The following SLC35F1 variants were observed in gnomAD, a reference collection of about 807,000 sequenced individuals.
SLC35F1 encodes chromosome 6 open reading frame 169.
A neutral mutation model predicts 48.7 loss-of-function variants in SLC35F1; 14 were observed. The ratio of observed to expected loss-of-function variants is 0.29; its 90% CI spans 0.19 to 0.45. The LOEUF (loss-of-function observed/expected upper bound fraction) is 0.45, where lower values mean the gene tolerates loss of function less well. SLC35F1 is among the 20% of genes least tolerant of loss of function. The pLI, the probability that SLC35F1 is intolerant of heterozygous loss-of-function variation, is 1.00. For synonymous variants in SLC35F1, 190 were observed against 202.2 expected (o/e 0.94, Z 0.51); for missense variants, 404 against 500.0 (o/e 0.81, Z 1.83).
intron 7 of SLC35F1, among the ~76,000 whole-genome samples, chr6:118,301,478 G>A (rs1459595466): frequency 6.6e-6 from 1 of 152,170 alleles, no homozygotes. Flanking sequence ...ACTGTATGCA[G>A]TGTTAAGGGG....
At chr6:118,197,434 AC>A (rs890257599) in intron 2 of SLC35F1, among the ~76,000 whole-genome samples, 1 of 152,190 alleles carries the variant, frequency 6.6e-6, no homozygotes, top group African/African-American at 2.4e-5. Flanking sequence ...ATAAGGTTTT[AC>A]CTTAATATGA....
chr6:118,209,757 T>A (rs1774979565), intron 2 of SLC35F1, among the ~76,000 whole-genome samples: 1 of 152,172 alleles, frequency 6.6e-6, no homozygotes, highest in Non-Finnish European at 1.5e-5. Flanking sequence ...AGTAGAGTAC[T>A]AAAATTATCT....
At chr6:118,174,422 AG>A (rs1473406436) in intron 2 of SLC35F1, among the ~76,000 whole-genome samples, 1 of 152,140 alleles carries the variant, frequency 6.6e-6, no homozygotes, top group Non-Finnish European at 1.5e-5. Flanking sequence ...ACACAGTAAA[AG>A]AAATGAAGAA....
intron 2 of SLC35F1, among the ~76,000 whole-genome samples, chr6:118,197,550 A>C (rs1400033270): frequency 1.3e-5 from 2 of 152,222 alleles, no homozygotes; most frequent in Non-Finnish European, 2.9e-5. Context: ...GATAATATTA[A>C]CACGATAAAA....
chr6:118,045,904 T>C (rs1221395376), intron 1 of SLC35F1, among the ~76,000 whole-genome samples: 1 of 152,180 alleles, frequency 6.6e-6, no homozygotes, highest in Admixed American at 6.5e-5. Flanking sequence ...CAGATACTGC[T>C]AATCTCTGGG....
chr6:118,070,130 G>C (rs1321473655), intron 1 of SLC35F1, among the ~76,000 whole-genome samples: 1 of 100,674 alleles, frequency 9.9e-6, no homozygotes, highest in African/African-American at 3.9e-5. Context: ...GCGACAGAGC[G>C]AGACTCCGTC....
In SLC35F1 at chr6:118,006,595, G is replaced by A. The variant is rs556718798; in HGVS notation, c.173+98696G>A. Among the ~76,000 whole-genome samples the A allele has an allele frequency of 2.6e-5, 4 of 152,058 alleles. 1 individual carries two copies. The highest frequency in any genetic ancestry group is 4.2e-4 in the South Asian group (2 of 4,802). ...GACCACGCTACTGCACTCCAGTCTG[G>A]GTGATAGAGCAAGACTCTGTCTCTA... On this transcript the variant is annotated intron_variant, in intron 1 of 7. Coordinates refer to ENST00000360388, the MANE Select transcript of SLC35F1 (RefSeq NM_001029858.4).
At chr6:117,950,399 T>A (rs6568991) in intron 1 of SLC35F1, among the ~76,000 whole-genome samples, 6 of 152,180 alleles carry the variant, frequency 3.9e-5, no homozygotes, top group Admixed American at 1.3e-4. Flanking sequence ...CACAGTTCTC[T>A]GTTACTGTGT....
At chr6:118,164,105 G>A (rs549415121) in intron 2 of SLC35F1, among the ~76,000 whole-genome samples, 1 of 152,096 alleles carries the variant, frequency 6.6e-6, no homozygotes, top group South Asian at 2.1e-4. Flanking sequence ...TTGAGGACTC[G>A]AAGAAGCATC....
At chr6:117,987,303 TTTTTTCTTCCTTCTCCTCTTGTTC>T (rs1776860011) in intron 1 of SLC35F1, among the ~76,000 whole-genome samples, 2 of 152,118 alleles carry the variant, frequency 1.3e-5, no homozygotes, top group South Asian at 4.1e-4. Flanking sequence ...CCCTTCTTTT[TTTTTTCTTCCTTCTCCTCTTGTTC>T]TTTTTCTTCC....
At chr6:118,138,582 G>A (rs984449694) in intron 1 of SLC35F1, among the ~76,000 whole-genome samples, 1 of 152,120 alleles carries the variant, frequency 6.6e-6, no homozygotes, top group African/African-American at 2.4e-5. Flanking sequence ...AACTTCATTA[G>A]ATTTATCTGA....
At chr6:118,000,736 G>A (rs534647966) in intron 1 of SLC35F1, among the ~76,000 whole-genome samples, 2 of 152,178 alleles carry the variant, frequency 1.3e-5, no homozygotes, top group Non-Finnish European at 2.9e-5. Flanking sequence ...AAGCTGATAA[G>A]CAACTTCAGC....
chr6:118,235,824 A>G (rs1775357802), intron 3 of SLC35F1, among the ~76,000 whole-genome samples, 188 bp downstream of exon 3: 1 of 152,202 alleles, frequency 6.6e-6, no homozygotes, highest in Non-Finnish European at 1.5e-5. Flanking sequence ...AACTGGTTAT[A>G]TAAAAATTAA....
intron 1 of SLC35F1, among the ~76,000 whole-genome samples, chr6:117,960,854 C>T (rs1024025737): frequency 1.3e-5 from 2 of 152,082 alleles, no homozygotes; most frequent in Non-Finnish European, 1.5e-5. Context: ...TTGTTTCTTA[C>T]GTCTACATAG....
intron 1 of SLC35F1, among the ~76,000 whole-genome samples, chr6:118,119,495 C>CCCG (rs71782478): frequency 0.092 from 868 of 9,478 alleles, 30 homozygotes; most frequent in Non-Finnish European, 0.26. Context: ...ATAACCGGCG[C>CCCG]CCCCCCTCCA....
chr6:118,044,707 A>T (rs1207941065), intron 1 of SLC35F1, among the ~76,000 whole-genome samples: 1 of 152,172 alleles, frequency 6.6e-6, no homozygotes, highest in Non-Finnish European at 1.5e-5. Flanking sequence ...GAGGAAAAAA[A>T]AATGACATAG....
At chr6:118,297,071 C>A (rs1354536531) in intron 7 of SLC35F1, among the ~76,000 whole-genome samples, 1 of 152,112 alleles carries the variant, frequency 6.6e-6, no homozygotes, top group Non-Finnish European at 1.5e-5. Context: ...GGACTGAAGA[C>A]TTTTTTTCAA....
At chr6:118,309,475 G>C (rs991041077) in intron 7 of SLC35F1, among the ~76,000 whole-genome samples, 7 of 152,132 alleles carry the variant, frequency 4.6e-5, no homozygotes, top group African/African-American at 1.4e-4. Flanking sequence ...TAAAAGTAGA[G>C]CTGAAACCCA....
chr6:118,017,489 C>G (rs1389935414), intron 1 of SLC35F1, among the ~76,000 whole-genome samples: 1 of 152,218 alleles, frequency 6.6e-6, no homozygotes, highest in East Asian at 1.9e-4. Flanking sequence ...GGCTACCATT[C>G]TTCAGTTTCT....
Sources: gnomAD v4.1 joint callset for allele counts (sites outside exome capture counted in the v4.1 genomes callset) on GRCh38, gnomAD v4.1.1 for gene constraint, MANE v1.5 for transcripts, NCBI Gene and HGNC (gene_info 2026-07-23, HGNC 2026-07-21) for gene names.